TFG: variants seen among roughly 807,000 people sequenced by gnomAD.
TFG encodes protein TFG.
In TFG, 22 loss-of-function variants were observed where a neutral mutation model predicts 51.4. The ratio of observed to expected loss-of-function variants is 0.43; its 90% CI spans 0.31 to 0.61. TFG has a LOEUF of 0.61. Among genes scored for constraint, TFG ranks in the 20% least tolerant of loss-of-function variants. The pLI is 0.12. For synonymous variants in TFG, 187 were observed against 165.6 expected (o/e 1.13, Z -0.99); for missense variants, 419 against 487.7 (o/e 0.86, Z 1.33).
chr3:100,731,979 T>C (rs2095092857), intron 4 of TFG, among the ~76,000 whole-genome samples: 2 of 152,314 alleles, frequency 1.3e-5, no homozygotes, highest in South Asian at 4.1e-4. Flanking sequence ...AATGTGCTAT[T>C]TATGGAAGAT....
chr3:100,747,677 G>A (rs777065922), intron 7 of TFG, among the ~76,000 whole-genome samples: 16 of 151,954 alleles, frequency 1.1e-4, no homozygotes, highest in Non-Finnish European at 2.2e-4. Flanking sequence ...TGTGAAAATG[G>A]TACTTTTTAT....
chr3:100,736,258 TC>T (rs1420797409), intron 5 of TFG, among the ~76,000 whole-genome samples: 1 of 152,076 alleles, frequency 6.6e-6, no homozygotes, highest in Non-Finnish European at 1.5e-5. Context: ...CAATTTTGGT[TC>T]CTGTGCAGAA....
At chr3:100,731,536 C>T (rs560291570) in intron 4 of TFG, among the ~76,000 whole-genome samples, 92 of 152,206 alleles carry the variant, frequency 6.0e-4, no homozygotes, top group African/African-American at 1.9e-3. Context: ...AAACCCACAT[C>T]CAGTTTCAAC....
chr3:100,713,711 G>T lies in TFG; in HGVS notation c.26G>T (p.Gly9Val). The change falls in exon 2 of 8, where the codon GGG (glycine) becomes GTG (valine). Residue 9 changes from glycine to valine, a missense_variant. Physicochemically the swap from Gly to Val is moderately radical, Grantham distance 109. Around this residue, in one of 3 missense-constraint regions of TFG, gnomAD observed 22 missense variants for 27.5 expected, o/e 0.80. Transcript: ENST00000240851. The stretch of plus-strand genomic sequence containing the variant: ...ATGAACGGACAGTTGGATCTAAGTG[G>T]GAAGCTAATCATCAAAGCTCAACTT... MNGQLDLS[G>V]KLIIKAQLGE... is the part of the protein sequence containing the mutation. The T allele has an allele frequency of 6.2e-7, 1 of 1,607,242 alleles. No individual in the cohort carries two copies. The highest frequency in any genetic ancestry group is 8.5e-7 in the Non-Finnish European group (1 of 1,175,584).
At chr3:100,727,356 G>A (rs572101227) in intron 3 of TFG, among the ~76,000 whole-genome samples, 12 of 150,312 alleles carry the variant, frequency 8.0e-5, no homozygotes, top group East Asian at 1.9e-4. Context: ...TATGCAGGGA[G>A]TATGTGAATT....
In TFG at chr3:100,732,643, C is replaced by T. The variant is rs745801389; in HGVS notation, c.551C>T (p.Ala184Val). 4 of 1,611,172 alleles carry T rather than the reference C, an allele frequency of 2.5e-6. No homozygotes were observed. Among genetic ancestry groups the T allele is most frequent in the East Asian group, 2.2e-5 (1 of 44,642 alleles). Residue 184 changes from alanine to valine, a missense_variant, in exon 5 of 8, where the codon GCG (alanine) becomes GTG (valine). Physicochemically the swap from Ala to Val is moderately conservative, Grantham distance 64. This residue lies in a region of TFG where 391 missense variants were observed against 434.4 expected (regional missense o/e 0.90). Transcript: ENST00000240851. ...QDEINKNVMS[A>V]FGLTDDQVSG... ...GAAATCAATAAAAATGTTATGTCAG[C>T]GTTTGGCTTAACAGATGATCAGGTT...
At chr3:100,716,740 GA>G (rs1409680123) in intron 2 of TFG, among the ~76,000 whole-genome samples, 1 of 152,068 alleles carries the variant, frequency 6.6e-6, no homozygotes, top group African/African-American at 2.4e-5. Context: ...TAACTGGGGT[GA>G]ACCTTGTTGT....
At position 100,713,516 on chromosome 3, in the gene TFG, CATAA is replaced by C. The variant is rs2095036710; in HGVS notation, c.-43-123_-43-120del. ...TAATGTTGCCTCCAGACCATTTTAA[CATAA>C]ATATGGTAACATGGGGATAATGAAT... On this transcript the variant is annotated intron_variant, in intron 1 of 7. Coordinates refer to ENST00000240851, the MANE Select transcript of TFG (RefSeq NM_006070.6). 2.2e-5 allele frequency: 9 copies of C among 413,544 alleles called. No individual in the cohort carries two copies. In the South Asian group the frequency reaches 8.3e-4, roughly 38 times the overall value. The allele number at this position is 413,544 out of a possible 1,614,324, so 25.6% of individuals were successfully genotyped here. A position where few individuals can be genotyped will look rare whatever the true frequency, so the allele number is the denominator to read the frequency against.
At chr3:100,731,844 G>A (rs1051705782) in intron 4 of TFG, among the ~76,000 whole-genome samples, 4 of 151,952 alleles carry the variant, frequency 2.6e-5, no homozygotes, top group Non-Finnish European at 5.9e-5. Context: ...TGTTGCACCC[G>A]GCTCCCCTCC....
intron 3 of TFG, among the ~76,000 whole-genome samples, chr3:100,727,315 G>A (rs1176639197): frequency 1.3e-5 from 2 of 150,100 alleles, no homozygotes; most frequent in Non-Finnish European, 3.0e-5. Flanking sequence ...AATAATTGAT[G>A]TAGGTAGGAG....
At chr3:100,709,851 G>T (rs924689256) in intron 1 of TFG, 130 bp downstream of exon 1, 1 of 135,732 alleles carries the variant, frequency 7.4e-6, no homozygotes, top group African/African-American at 2.8e-5. Flanking sequence ...GGGGCTGGAG[G>T]GAGGAGGGGG....
rs2095156850 is a variant in TFG, at chr3:100,748,512, C to T, written c.1184C>T (p.Pro395Leu). 6.2e-7 allele frequency: 1 copy of T among 1,611,908 alleles called. No individual in the cohort carries two copies. The highest frequency in any genetic ancestry group is 1.3e-5 in the African/African-American group (1 of 74,878). Residue 395 changes from proline to leucine, a missense_variant, in exon 8 of 8, where the codon CCT (proline) becomes CTT (leucine). Physicochemically the swap from Pro to Leu is moderately conservative, Grantham distance 98. This residue lies in a region of TFG where 391 missense variants were observed against 434.4 expected (regional missense o/e 0.90). Coordinates refer to ENST00000240851, the MANE Select transcript of TFG (RefSeq NM_006070.6). The stretch of plus-strand genomic sequence containing the variant: ...CCCTTTGGTCAGGGCTATACCCAAC[C>T]TGGACCTGGTTATCGATAAGGAGGC... ...RPPFGQGYTQ[P>L]GPGYR is the part of the protein sequence containing the mutation.
intron 5 of TFG, among the ~76,000 whole-genome samples, 169 bp downstream of exon 5, chr3:100,732,841 C>G (rs2095095649): frequency 6.6e-6 from 1 of 152,132 alleles, no homozygotes; most frequent in African/African-American, 2.4e-5. Context: ...AAAAGACTAA[C>G]TAGATTAAGA....
At chr3:100,742,225 A>G (rs1255423147) in intron 6 of TFG, among the ~76,000 whole-genome samples, 1 of 152,194 alleles carries the variant, frequency 6.6e-6, no homozygotes, top group Non-Finnish European at 1.5e-5. Context: ...TCCTCACTTA[A>G]CATTGTTGAT....
At chr3:100,735,530 A>T (rs188679289) in intron 5 of TFG, among the ~76,000 whole-genome samples, 5 of 152,328 alleles carry the variant, frequency 3.3e-5, no homozygotes, top group Admixed American at 3.3e-4. Context: ...ACAGAAAGAG[A>T]TTATGTAACA....
chr3:100,746,658 C>G (rs912181522), intron 7 of TFG, among the ~76,000 whole-genome samples: 1 of 151,940 alleles, frequency 6.6e-6, no homozygotes, highest in Admixed American at 6.6e-5. Context: ...ACATTATGTT[C>G]AAGAGACTGG....
chr3:100,732,956 GAAAGTAA>G (rs2095096027), intron 5 of TFG, among the ~76,000 whole-genome samples: 14 of 152,078 alleles, frequency 9.2e-5, no homozygotes, highest in Admixed American at 9.2e-4. Flanking sequence ...GTAAATTTTT[GAAAGTAA>G]AATTTAGAAA....
chr3:100,747,920 A>C (rs2095148399), intron 7 of TFG, among the ~76,000 whole-genome samples: 1 of 152,110 alleles, frequency 6.6e-6, no homozygotes, highest in East Asian at 1.9e-4. Flanking sequence ...TATGTCAGGA[A>C]TTTGCTCTCA....
In TFG at chr3:100,732,649, G is replaced by A. The variant is rs369981362; in HGVS notation, c.557G>A (p.Gly186Asp). The change falls in exon 5 of 8, where the codon GGC becomes GAC. Residue 186 changes from glycine to aspartate, a missense_variant. This residue lies in a region of TFG where 391 missense variants were observed against 434.4 expected (regional missense o/e 0.90). Coordinates refer to ENST00000240851, the MANE Select transcript of TFG (RefSeq NM_006070.6). ...EINKNVMSAFGLTDDQVSGPP... is the reference protein window; with the variant it reads ...EINKNVMSAFDLTDDQVSGPP... ...AATAAAAATGTTATGTCAGCGTTTGGCTTAACAGATGATCAGGTTTCAGGT... is the reference window on the plus strand; with the variant it reads ...AATAAAAATGTTATGTCAGCGTTTGACTTAACAGATGATCAGGTTTCAGGT... 12 of 1,610,232 alleles carry A rather than the reference G, an allele frequency of 7.5e-6. No individual in the cohort carries two copies. In the African/African-American group the frequency reaches 1.5e-4, roughly 20 times the overall value.
Sources: allele counts gnomAD v4.1 joint callset (sites outside exome capture counted in the v4.1 genomes callset), GRCh38; gene constraint gnomAD v4.1.1; regional missense constraint gnomAD v4.1.1; transcripts MANE v1.5; gene names NCBI Gene and HGNC (gene_info 2026-07-23, HGNC 2026-07-21).